The following ZBTB37 variants were observed in gnomAD, a reference collection of about 807,000 sequenced individuals.
The protein encoded by ZBTB37 is zinc finger and BTB domain-containing protein 37.
ZBTB37 carries 15 observed loss-of-function variants against 37.7 expected under a neutral mutation model. That is an observed-to-expected ratio of 0.40 (90% CI 0.27 to 0.61). ZBTB37 has a LOEUF of 0.61. Among genes scored for constraint, ZBTB37 ranks in the 20% least tolerant of loss-of-function variants. ZBTB37 has a pLI of 0.44. For missense variants in ZBTB37, 514 were observed against 641.9 expected, an observed-to-expected ratio of 0.80 and a Z score of 2.15; for synonymous variants, 231 against 220.6, an observed-to-expected ratio of 1.05 and a Z score of -0.42.
chr1:173,887,387 C>T (rs1406151190), downstream of ZBTB37: 1 of 152,156 alleles, frequency 6.6e-6, no homozygotes, highest in African/African-American at 2.4e-5. Context: ...TAATAATATA[C>T]TACAGGGCAC....
At chr1:173,888,990 A>G (rs900679093), downstream of ZBTB37, 16 of 152,128 alleles carry the variant, frequency 1.1e-4, no homozygotes, top group Admixed American at 6.6e-4. Flanking sequence ...GCCTTTTCCT[A>G]TATTGATACT....
Position 173,877,431 on chromosome 1 carries a change from G to C in ZBTB37, c.1023+3865G>C, listed in dbSNP as rs4652227. Among the ~76,000 whole-genome samples, 5 of 140,488 alleles carry C rather than the reference G, an allele frequency of 3.6e-5. No homozygotes were observed. In the East Asian group the frequency reaches 8.4e-4, roughly 24 times the overall value. The allele number at this position is 140,488 out of a possible 152,430, so 92.2% of individuals were successfully genotyped here. A position where few individuals can be genotyped will look rare whatever the true frequency, so the allele number is the denominator to read the frequency against. ...GGATCTCACTTTGTCGTCCAGGCTA[G>C]AGTGCAGTGGTATGATCATGTCTCA... On this transcript the variant is annotated intron_variant, in intron 4 of 4. Coordinates refer to ENST00000427304, the Ensembl canonical transcript of ZBTB37.
chr1:173,883,448 G>A (rs752816693), intron 4 of ZBTB37, among the ~76,000 whole-genome samples: 17 of 152,146 alleles, frequency 1.1e-4, no homozygotes, highest in Non-Finnish European at 2.4e-4. Flanking sequence ...TCCAGCCTGG[G>A]CAAAAAGAGC....
chr1:173,875,292 C>T (rs1655887373), intron 4 of ZBTB37, among the ~76,000 whole-genome samples: 3 of 149,026 alleles, frequency 2.0e-5, no homozygotes, highest in Admixed American at 6.7e-5. Context: ...TAATTTGTAG[C>T]ATTTTATTTA....
At chr1:173,872,423 A>G (rs904444018) in intron 3 of ZBTB37, among the ~76,000 whole-genome samples, 1 of 152,008 alleles carries the variant, frequency 6.6e-6, no homozygotes, top group Non-Finnish European at 1.5e-5. Flanking sequence ...CCCAGGTTAG[A>G]GTGCAGTGGT....
intron 4 of ZBTB37, among the ~76,000 whole-genome samples, chr1:173,877,614 C>T (rs1557886555): frequency 6.6e-6 from 1 of 151,992 alleles, no homozygotes; most frequent in Non-Finnish European, 1.5e-5. Flanking sequence ...TTCCTGAGCT[C>T]AGTAGTGGCT....
chr1:173,892,644 C>T (rs889909336), exon 4 of ZBTB37: 61 of 152,184 alleles, frequency 4.0e-4, no homozygotes, highest in African/African-American at 1.3e-3. Context: ...GCAAATATTA[C>T]TTGAAACCCC....
chr1:173,878,340 T>A (rs1214861720), intron 4 of ZBTB37, among the ~76,000 whole-genome samples: 1 of 152,246 alleles, frequency 6.6e-6, no homozygotes, highest in Non-Finnish European at 1.5e-5. Context: ...GAGACCACAT[T>A]TTCTTTCCTC....
chr1:173,876,631 A>G (rs1655984874), intron 4 of ZBTB37, among the ~76,000 whole-genome samples: 1 of 152,104 alleles, frequency 6.6e-6, no homozygotes, highest in African/African-American at 2.4e-5. Context: ...ACCACTGAAT[A>G]TTTATTGTGT....
At chr1:173,886,870 A>T (rs1329923804), downstream of ZBTB37, 3 of 152,228 alleles carry the variant, frequency 2.0e-5, no homozygotes, top group Non-Finnish European at 4.4e-5. Flanking sequence ...GGAAGAGGAG[A>T]GCAGGGAGGG....
rs1160364347 is a variant in ZBTB37, at chr1:173,882,237, CTTTTTTTTTTTT to C, written c.1024-3388_1024-3377del. Among the ~76,000 whole-genome samples the C allele has an allele frequency of 2.3e-5, 2 of 87,948 alleles. 1 individual carries two copies. Among genetic ancestry groups the C allele is most frequent in the South Asian group, 8.0e-4 (2 of 2,490 alleles). 57.7% of individuals were successfully genotyped at this position (87,948 alleles called of 152,430 possible). ...TGCCTATTCACTCTGATGGTAGTTTCTTTTTTTTTTTTTTTTTTTTTTGAGACAGAGTCTGGC... is the reference window on the plus strand; with the variant it reads ...TGCCTATTCACTCTGATGGTAGTTTCTTTTTTTTTTGAGACAGAGTCTGGC... On this transcript the variant is annotated intron_variant, in intron 4 of 4. Coordinates refer to ENST00000427304, the Ensembl canonical transcript of ZBTB37.
intron 4 of ZBTB37, among the ~76,000 whole-genome samples, chr1:173,878,319 C>T (rs1656097670): frequency 6.6e-6 from 1 of 152,194 alleles, no homozygotes; most frequent in Admixed American, 6.5e-5. Context: ...ACTGAAATCT[C>T]CTTGAGAGCA....
chr1:173,885,984 C>T (rs1229394971), exon 5 of ZBTB37: 1 of 1,551,756 alleles, frequency 6.4e-7, no homozygotes, highest in East Asian at 2.4e-5. Flanking sequence ...CTGTATACCC[C>T]TGGAGGGGCC....
chr1:173,877,705 G>C (rs1028687857), intron 4 of ZBTB37, among the ~76,000 whole-genome samples: 6 of 152,122 alleles, frequency 3.9e-5, no homozygotes, highest in Non-Finnish European at 5.9e-5. Flanking sequence ...CTACAGATGT[G>C]AGCCACCACA....
At chr1:173,871,278 A>G (rs980345593) in intron 3 of ZBTB37, 130 bp downstream of exon 3, 2 of 900,582 alleles carry the variant, frequency 2.2e-6, no homozygotes, top group Admixed American at 2.9e-5. Flanking sequence ...TGATGGGGAA[A>G]CTGGAGGTGT....
At chr1:173,874,155 T>C (rs1182203567) in intron 4 of ZBTB37, among the ~76,000 whole-genome samples, 1 of 147,912 alleles carries the variant, frequency 6.8e-6, no homozygotes, top group Non-Finnish European at 1.5e-5. Flanking sequence ...CTCCAGAGGC[T>C]GAGGCAGGAC....
chr1:173,879,805 G>A (rs1297520235), intron 4 of ZBTB37, among the ~76,000 whole-genome samples: 1 of 152,076 alleles, frequency 6.6e-6, no homozygotes, highest in African/African-American at 2.4e-5. Context: ...TAAAACATTA[G>A]CCAGGCATGG....
At chr1:173,870,364 A>G in exon 3 of ZBTB37, 1 of 1,614,196 alleles carries the variant, frequency 6.2e-7, no homozygotes, top group Non-Finnish European at 8.5e-7. Context: ...TCGGGCTCAC[A>G]AAGTGGTGCT....
chr1:173,871,002 G>A (rs772147790), exon 3 of ZBTB37: 2 of 1,614,244 alleles, frequency 1.2e-6, no homozygotes, highest in Non-Finnish European at 1.7e-6. Context: ...CTGAGAATCA[G>A]CCTTCTGGAG....
Sources: gnomAD v4.1 joint callset for allele counts (sites outside exome capture counted in the v4.1 genomes callset) on GRCh38, gnomAD v4.1.1 for gene constraint, MANE v1.5 for transcripts, NCBI Gene and HGNC (gene_info 2026-07-23, HGNC 2026-07-21) for gene names.